KIDINS220: variants seen among roughly 807,000 people sequenced by gnomAD.
The protein encoded by KIDINS220 is kinase D interacting substrate 220, also known as kinase D-interacting substrate of 220 kDa.
KIDINS220 carries 63 observed loss-of-function variants against 157.6 expected under a neutral mutation model. That is an observed-to-expected ratio of 0.40 (90% CI 0.33 to 0.49). The LOEUF (loss-of-function observed/expected upper bound fraction) is 0.49, where lower values mean the gene tolerates loss of function less well. Ranked by LOEUF, KIDINS220 falls within the 20% of genes least tolerant of loss-of-function variation. The pLI is 0.66. For synonymous variants in KIDINS220, 732 were observed against 783.6 expected, an observed-to-expected ratio of 0.93 and a Z score of 1.10; for missense variants, 1,772 against 2,171.2, an observed-to-expected ratio of 0.82 and a Z score of 3.65.
chr2:8,828,741 A>G (rs1679193488), intron 1 of KIDINS220, among the ~76,000 whole-genome samples: 1 of 152,202 alleles, frequency 6.6e-6, no homozygotes, highest in African/African-American at 2.4e-5. Flanking sequence ...CTGTTATGAA[A>G]ATGAAATTAT....
chr2:8,835,659 CAAA>C (rs56986834), intron 1 of KIDINS220, among the ~76,000 whole-genome samples: 18 of 87,278 alleles, frequency 2.1e-4, no homozygotes, highest in East Asian at 1.3e-3. Context: ...GACCCTGTCT[CAAA>C]AAAAAAAAAA....
At chr2:8,823,826 A>C (rs1678358083) in intron 2 of KIDINS220, among the ~76,000 whole-genome samples, 1 of 152,158 alleles carries the variant, frequency 6.6e-6, no homozygotes, top group African/African-American at 2.4e-5. Flanking sequence ...CCAATTATAA[A>C]TGTTATATCT....
At position 8,750,110 on chromosome 2, in the gene KIDINS220, A is replaced by G; in HGVS notation, c.3414+2T>C. ...AAATAAAGCTGCCTCCAACTTCCTTACCCTGTTGTAGAAGGGATGCTGAGG... is the reference window on the plus strand; with the variant it reads ...AAATAAAGCTGCCTCCAACTTCCTTGCCCTGTTGTAGAAGGGATGCTGAGG... On this transcript the variant is annotated splice_donor_variant, in intron 24 of 29. Coordinates refer to ENST00000256707, the MANE Select transcript of KIDINS220 (RefSeq NM_020738.4). LOFTEE classifies it high-confidence loss of function. The G allele has an allele frequency of 6.2e-7, 1 of 1,612,272 alleles. No individual in the cohort carries two copies.
rs1018373903 is a variant in KIDINS220 at position 8,775,453 on chromosome 2, C to A, written c.2848+1295G>T. On this transcript the variant is annotated intron_variant, in intron 21 of 29. Transcript: ENST00000256707. ...CCAGCGCAAAAGGAGGAAATCCAGTCGGTGTGGCATTCTGGAAGCCAAAGG... is the reference window on the plus strand; with the variant it reads ...CCAGCGCAAAAGGAGGAAATCCAGTAGGTGTGGCATTCTGGAAGCCAAAGG... Among the ~76,000 whole-genome samples the A allele has an allele frequency of 5.3e-5, 8 of 152,120 alleles. 1 individual carries two copies. The highest frequency in any genetic ancestry group is 4.6e-4 in the Admixed American group (7 of 15,256).
chr2:8,782,160 C>T (rs1671811417), intron 17 of KIDINS220, among the ~76,000 whole-genome samples: 1 of 151,668 alleles, frequency 6.6e-6, no homozygotes, highest in Admixed American at 6.6e-5. Flanking sequence ...ATCTAAGCTT[C>T]CACCTCAGGA....
intron 28 of KIDINS220, among the ~76,000 whole-genome samples, chr2:8,734,167 T>G (rs1572415349): frequency 1.2e-4 from 15 of 127,692 alleles, no homozygotes; most frequent in South Asian, 4.9e-4. Flanking sequence ...GCAGCAGGAG[T>G]GGGGGACTCT....
chr2:8,751,680 G>A, intron 22 of KIDINS220, 36 bp from the exon 23 acceptor site: 1 of 1,417,728 alleles, frequency 7.1e-7, no homozygotes, highest in Non-Finnish European at 9.8e-7. Context: ...GGTTATTAAT[G>A]TCACTATTAG....
Position 8,747,361 on chromosome 2 carries a change from T to C in KIDINS220, c.3529-160A>G, listed in dbSNP as rs1435712349. ...AAAAACATATTAATAGAGAGTTTCT[T>C]TTTTTAAACTATTACTTTTATCATC... On this transcript the variant is annotated intron_variant, in intron 25 of 29. Coordinates refer to ENST00000256707, the MANE Select transcript of KIDINS220 (RefSeq NM_020738.4). 6.5e-6 allele frequency: 4 copies of C among 617,612 alleles called. No homozygotes were observed. In the African/African-American group the frequency reaches 7.4e-5, roughly 11 times the overall value. The allele number at this position is 617,612 out of a possible 1,614,324, so 38.3% of individuals were successfully genotyped here.
At chr2:8,827,607 G>A (rs572323438) in intron 1 of KIDINS220, among the ~76,000 whole-genome samples, 47 of 152,130 alleles carry the variant, frequency 3.1e-4, no homozygotes, top group African/African-American at 9.6e-4. Flanking sequence ...ACGAGCCACC[G>A]TGACTCACCT....
At chr2:8,806,947 C>T (rs140790240) in intron 6 of KIDINS220, among the ~76,000 whole-genome samples, 7 of 152,146 alleles carry the variant, frequency 4.6e-5, no homozygotes, top group Admixed American at 1.3e-4. Flanking sequence ...AAATTTTCAA[C>T]AAGCTTTCAT....
At chr2:8,743,915 G>A (rs1665978850) in intron 26 of KIDINS220, among the ~76,000 whole-genome samples, 1 of 151,832 alleles carries the variant, frequency 6.6e-6, no homozygotes, top group Non-Finnish European at 1.5e-5. Flanking sequence ...AGCATGTCTT[G>A]CATATAGTAC....
intron 22 of KIDINS220, chr2:8,757,670 C>A: frequency 6.2e-7 from 1 of 1,612,356 alleles, no homozygotes; most frequent in Non-Finnish European, 8.5e-7. Context: ...TGTTCCATGT[C>A]CTGCTTATTT....
At chr2:8,785,378 C>T (rs887114920) in intron 17 of KIDINS220, among the ~76,000 whole-genome samples, 17 of 152,076 alleles carry the variant, frequency 1.1e-4, no homozygotes, top group African/African-American at 4.1e-4. Context: ...ACAGAATGTA[C>T]CACACCAAGA....
chr2:8,764,886 G>T (rs1035064255), intron 22 of KIDINS220, among the ~76,000 whole-genome samples: 2 of 152,146 alleles, frequency 1.3e-5, no homozygotes, highest in Non-Finnish European at 2.9e-5. Context: ...TACAGTTCAT[G>T]AAGTGTATAG....
chr2:8,759,042 T>C lies in KIDINS220; in HGVS notation c.3012-7398A>G, dbSNP rs117619782. 6.6e-5 allele frequency among the ~76,000 whole-genome samples: 10 copies of C among 152,348 alleles called. No individual in the cohort carries two copies. In the East Asian group the frequency reaches 1.7e-3, roughly 26 times the overall value. ...ACAATGCGAACAGTGCCAGGTGTTC[T>C]CACTGACACTCACTTTTCAAGGTCT... On this transcript the variant is annotated intron_variant, in intron 22 of 29. Coordinates refer to ENST00000256707, the MANE Select transcript of KIDINS220 (RefSeq NM_020738.4).
intron 21 of KIDINS220, among the ~76,000 whole-genome samples, chr2:8,771,978 CA>C (rs931126467): frequency 1.4e-4 from 20 of 141,842 alleles, no homozygotes; most frequent in South Asian, 2.2e-4. Context: ...AAGAAAAAGA[CA>C]AAAAAAAAAG....
chr2:8,742,822 C>T (rs1665812172), intron 26 of KIDINS220, among the ~76,000 whole-genome samples: 1 of 116,476 alleles, frequency 8.6e-6, no homozygotes, highest in African/African-American at 2.5e-5. Flanking sequence ...TTGAACTAAT[C>T]GCTGATCACA....
chr2:8,735,329 C>T (rs569029643), intron 27 of KIDINS220, among the ~76,000 whole-genome samples: 1 of 152,180 alleles, frequency 6.6e-6, no homozygotes, highest in Admixed American at 6.5e-5. Flanking sequence ...GTCAGGAGTT[C>T]GAGACCAGCC....
intron 11 of KIDINS220, among the ~76,000 whole-genome samples, chr2:8,795,130 A>G (rs1673727579): frequency 6.6e-6 from 1 of 152,210 alleles, no homozygotes; most frequent in African/African-American, 2.4e-5. Flanking sequence ...CGATCATCTT[A>G]GTCGCTCCCA....
Sources: allele counts gnomAD v4.1 joint callset (sites outside exome capture counted in the v4.1 genomes callset), GRCh38; gene constraint gnomAD v4.1.1; transcripts MANE v1.5; gene names NCBI Gene and HGNC (gene_info 2026-07-23, HGNC 2026-07-21).